The following MICU3 variants were observed in gnomAD, a reference collection of about 807,000 sequenced individuals.
MICU3 encodes the protein mitochondrial calcium uptake 3, also known as calcium uptake protein 3, mitochondrial.
Under a neutral mutation model 66.5 loss-of-function variants are expected in MICU3, and 62 were observed. That is an observed-to-expected ratio of 0.93 (90% CI 0.76 to 1.15). The LOEUF (loss-of-function observed/expected upper bound fraction) is 1.15. Ranked by LOEUF, MICU3 falls within the 50% of genes most tolerant of loss-of-function variation. The pLI is 0.00. For missense variants in MICU3, 779 were observed against 664.4 expected, an observed-to-expected ratio of 1.17 and a Z score of -1.90; for synonymous variants, 308 against 240.7, an observed-to-expected ratio of 1.28 and a Z score of -2.59.
Position 17,118,774 on chromosome 8 carries a change from A to G in MICU3, c.1592A>G (p.Ter531=), listed in dbSNP as rs778809563. ...SCLKKELHSR[*] The stretch of plus-strand genomic sequence containing the variant: ...CTGAAGAAAGAACTTCACAGCAGAT[A>G]AGTATGTTAGCTTCTATTTGTCTAA... Residue 531 remains the stop codon, a splice_region_variant and stop_retained_variant, in exon 14 of 15, where the codon TAA becomes TGA. Transcript: ENST00000318063. 1.2e-6 allele frequency: 2 copies of G among 1,601,016 alleles called. No individual in the cohort carries two copies. The highest frequency in any genetic ancestry group is 1.7e-6 in the Non-Finnish European group (2 of 1,168,652).
At chr8:17,038,438 A>T (rs1388594486) in intron 1 of MICU3, among the ~76,000 whole-genome samples, 1 of 152,122 alleles carries the variant, frequency 6.6e-6, no homozygotes, top group African/African-American at 2.4e-5. Context: ...TTCTGACATG[A>T]CTGTGAGACC....
At chr8:17,097,578 T>G (rs867797027) in intron 8 of MICU3, among the ~76,000 whole-genome samples, 1 of 151,706 alleles carries the variant, frequency 6.6e-6, no homozygotes, top group African/African-American at 2.4e-5. Flanking sequence ...TTTTAAAGAT[T>G]AAGGCAAAAT....
At chr8:17,036,576 G>C (rs1445694228) in intron 1 of MICU3, among the ~76,000 whole-genome samples, 1 of 152,110 alleles carries the variant, frequency 6.6e-6, no homozygotes, top group Non-Finnish European at 1.5e-5. Flanking sequence ...GTTAGATACA[G>C]AGTTTCGACA....
intron 8 of MICU3, among the ~76,000 whole-genome samples, chr8:17,096,955 T>TTGTG (rs3988378): frequency 0.18 from 25,149 of 141,382 alleles, 2,426 homozygotes; most frequent in South Asian, 0.22. Flanking sequence ...CTAAATATAT[T>TTGTG]TGTGTGTGTG....
chr8:17,064,750 G>T (rs937533761), intron 2 of MICU3, among the ~76,000 whole-genome samples: 1 of 152,124 alleles, frequency 6.6e-6, no homozygotes, highest in African/African-American at 2.4e-5. Context: ...GTATTCTCAT[G>T]TGTGCTTTTT....
chr8:17,037,490 C>G (rs1455796913), intron 1 of MICU3, among the ~76,000 whole-genome samples: 1 of 152,186 alleles, frequency 6.6e-6, no homozygotes, highest in African/African-American at 2.4e-5. Flanking sequence ...AAGCCCTAAG[C>G]CTTGGAGGTT....
chr8:17,104,302 TTGA>T (rs1461612557), intron 9 of MICU3, 86 bp from the exon 10 acceptor site: 1 of 547,592 alleles, frequency 1.8e-6, no homozygotes, highest in Non-Finnish European at 3.1e-6. Flanking sequence ...TGTTTGTATG[TTGA>T]TAACAGAATT....
intron 8 of MICU3, among the ~76,000 whole-genome samples, chr8:17,092,205 A>G (rs1800141328): frequency 6.6e-6 from 1 of 152,004 alleles, no homozygotes; most frequent in Non-Finnish European, 1.5e-5. Context: ...GTAATATGTC[A>G]TCACTGTATG....
At chr8:17,135,975 G>C in the MICU3 span, among the ~76,000 whole-genome samples, 1 of 151,988 alleles carries the variant, frequency 6.6e-6, no homozygotes, top group Non-Finnish European at 1.5e-5. Flanking sequence ...TGGACAAGTT[G>C]ACTTCTCTAT....
intron 1 of MICU3, among the ~76,000 whole-genome samples, chr8:17,062,023 C>T (rs1389066881): frequency 1.3e-5 from 2 of 152,158 alleles, no homozygotes; most frequent in Non-Finnish European, 2.9e-5. Context: ...TGAGTCATTG[C>T]TCCACTTAAG....
At chr8:17,106,346 T>TG (rs1284008429) in intron 11 of MICU3, among the ~76,000 whole-genome samples, 89 of 147,640 alleles carry the variant, frequency 6.0e-4, no homozygotes, top group African/African-American at 2.1e-3. Flanking sequence ...CCCTAAGGAA[T>TG]GAAAAAAAAA....
At chr8:17,133,450 C>G in the MICU3 span, among the ~76,000 whole-genome samples, 1 of 151,924 alleles carries the variant, frequency 6.6e-6, no homozygotes, top group Non-Finnish European at 1.5e-5. Context: ...ATTTGGCTGT[C>G]CTATAAGTTG....
At chr8:17,028,765 G>T (rs1314229092) in intron 1 of MICU3, among the ~76,000 whole-genome samples, 1 of 152,020 alleles carries the variant, frequency 6.6e-6, no homozygotes, top group African/African-American at 2.4e-5. Context: ...CAAAATACTA[G>T]GAAATACCCT....
chr8:17,103,800 T>G (rs1224798194), intron 9 of MICU3, among the ~76,000 whole-genome samples: 1 of 151,920 alleles, frequency 6.6e-6, no homozygotes, highest in Non-Finnish European at 1.5e-5. Context: ...TTGAAAAAAT[T>G]ATAGATCATA....
chr8:17,047,385 T>C (rs1397007891), intron 1 of MICU3, among the ~76,000 whole-genome samples: 1 of 152,072 alleles, frequency 6.6e-6, no homozygotes, highest in Non-Finnish European at 1.5e-5. Context: ...ACTGAGACAG[T>C]CCAAAATTCA....
At chr8:17,077,214 A>G (rs180879783) in intron 3 of MICU3, among the ~76,000 whole-genome samples, 52 of 152,330 alleles carry the variant, frequency 3.4e-4, no homozygotes, top group Admixed American at 7.2e-4. Context: ...AACAGTGACC[A>G]CAATAACTCA....
chr8:17,042,323 A>AT (rs1432208213), intron 1 of MICU3, among the ~76,000 whole-genome samples: 1 of 152,230 alleles, frequency 6.6e-6, no homozygotes, highest in Non-Finnish European at 1.5e-5. Flanking sequence ...CTCTCCTGTA[A>AT]TTGTGCCAAA....
intron 8 of MICU3, among the ~76,000 whole-genome samples, chr8:17,094,654 AATGTCT>A (rs1045785733): frequency 2.6e-4 from 39 of 151,966 alleles, no homozygotes; most frequent in African/African-American, 8.9e-4. Context: ...TTAAAAAAAA[AATGTCT>A]ACCAGGTACT....
Position 17,098,463 on chromosome 8 carries a change from T to C in MICU3, c.894T>C (p.Leu298=), listed in dbSNP as rs1388456940. Residue 298 remains leucine (L), a synonymous_variant, in exon 9 of 15, where the codon CTT becomes CTC. Transcript: ENST00000318063. The part of the protein sequence containing the change: ...YGYHSPTNSV[L]KTDAEELVSR... ...GCTTCTTAAAACTTCTACAGGTACT[T>C]AAAACAGATGCTGAGGAACTTGTCT... The C allele has an allele frequency of 6.2e-7, 1 of 1,604,500 alleles. No individual in the cohort carries two copies. Among genetic ancestry groups the C allele is most frequent in the East Asian group, 2.2e-5 (1 of 44,774 alleles).
Sources: gnomAD v4.1 joint callset for allele counts (sites outside exome capture counted in the v4.1 genomes callset) on GRCh38, gnomAD v4.1.1 for gene constraint, MANE v1.5 for transcripts, NCBI Gene and HGNC (gene_info 2026-07-23, HGNC 2026-07-21) for gene names.